WDR41: variants seen among roughly 807,000 people sequenced by gnomAD.
The protein encoded by WDR41 is WD repeat domain 41, also known as WD repeat-containing protein 41.
In WDR41, 63 loss-of-function variants were observed where a neutral mutation model predicts 69.3. The ratio of observed to expected loss-of-function variants is 0.91; its 90% confidence interval spans 0.74 to 1.12. The LOEUF (loss-of-function observed/expected upper bound fraction) is 1.12, where lower values mean the gene tolerates loss of function less well. Ranked by LOEUF, WDR41 falls within the 50% of genes most tolerant of loss-of-function variation. WDR41 has a pLI of 0.00. For synonymous variants in WDR41, 185 were observed against 192.1 expected (o/e 0.96, Z 0.31); for missense variants, 543 against 534.5 (o/e 1.02, Z -0.16).
At chr5:77,544,182 CA>C (rs1489288087) in intron 1 of WDR41, among the ~76,000 whole-genome samples, 1 of 152,012 alleles carries the variant, frequency 6.6e-6, no homozygotes, top group East Asian at 1.9e-4. Context: ...GGAAACACAT[CA>C]AAACAGAACT....
At position 77,463,190 on chromosome 5, in the gene WDR41, G is replaced by A. The variant is rs1160655896; in HGVS notation, c.253C>T (p.Gln85Ter). ...AATGTAATAATAGCTGTTATCTTTT[G>A]AGTGTGTCCATTCAGTTCTAAAAGT... ...EKLLELNGHTQKITAIITFPS... is the reference protein window; with the variant it reads ...EKLLELNGHT The change falls in exon 4 of 13, where the codon CAA becomes TAA. Residue 85 changes from glutamine to a stop codon, truncating the protein, a stop_gained. Coordinates refer to ENST00000296679, the MANE Select transcript of WDR41 (RefSeq NM_018268.4). LOFTEE classifies it high-confidence loss of function. 3 of 1,612,316 alleles carry A rather than the reference G, an allele frequency of 1.9e-6. No homozygotes were observed. The East Asian group carries it at 6.7e-5, about 36-fold the overall frequency.
At chr5:77,614,809 T>A (rs1442741932) in intron 1 of WDR41, among the ~76,000 whole-genome samples, 1 of 147,602 alleles carries the variant, frequency 6.8e-6, no homozygotes. Flanking sequence ...AATAATAAAA[T>A]AAAAAAAAAG....
At chr5:77,500,129 G>T (rs1428255035) in intron 1 of WDR41, among the ~76,000 whole-genome samples, 2 of 152,164 alleles carry the variant, frequency 1.3e-5, no homozygotes, top group Non-Finnish European at 2.9e-5. Flanking sequence ...CAAAACTACA[G>T]ATGTTGGAAT....
chr5:77,464,133 G>A (rs1800185550), intron 3 of WDR41, among the ~76,000 whole-genome samples: 1 of 152,006 alleles, frequency 6.6e-6, no homozygotes, highest in Non-Finnish European at 1.5e-5. Flanking sequence ...AAACTTGTGT[G>A]TCTCACAAAA....
intron 8 of WDR41, among the ~76,000 whole-genome samples, chr5:77,449,516 G>T (rs1799537890): frequency 6.6e-6 from 1 of 152,178 alleles, no homozygotes; most frequent in Non-Finnish European, 1.5e-5. Context: ...CAGTGCCTGA[G>T]ATCATTATGT....
rs1013763602 is a variant in WDR41 at position 77,431,950 on chromosome 5, T to C, written c.*1185A>G. The C allele has an allele frequency of 6.6e-6, 1 of 152,212 alleles. No homozygotes were observed. Among genetic ancestry groups the C allele is most frequent in the Non-Finnish European group, 1.5e-5 (1 of 68,036 alleles). 9.4% of individuals were successfully genotyped at this position (152,212 alleles called of 1,614,324 possible). ...GTGATACTGGGCACTACAGATTTAA[T>C]TGCAAGGCCTTACTGCACTGGGCCT... On this transcript the variant is annotated 3_prime_UTR_variant, in exon 13 of 13. Transcript: ENST00000296679.
At chr5:77,617,849 C>A (rs553409245) in intron 1 of WDR41, among the ~76,000 whole-genome samples, 1 of 152,106 alleles carries the variant, frequency 6.6e-6, no homozygotes, top group Non-Finnish European at 1.5e-5. Flanking sequence ...TAGGAATAGT[C>A]TCATAAAACT....
At chr5:77,437,186 C>T in intron 11 of WDR41, 150 bp downstream of exon 11, 1 of 654,130 alleles carries the variant, frequency 1.5e-6, no homozygotes, top group Non-Finnish European at 2.7e-6. Context: ...AATCCTAGAT[C>T]TCAATTACCA....
At chr5:77,481,721 G>C (rs969407834) in intron 2 of WDR41, among the ~76,000 whole-genome samples, 1 of 149,844 alleles carries the variant, frequency 6.7e-6, no homozygotes, top group African/African-American at 2.4e-5. Context: ...GGAAGCGGTG[G>C]TTGGAGTGAA....
At chr5:77,436,634 C>CA (rs994068948) in intron 11 of WDR41, among the ~76,000 whole-genome samples, 26 of 151,914 alleles carry the variant, frequency 1.7e-4, no homozygotes, top group African/African-American at 5.3e-4. Context: ...GGTATATTAA[C>CA]AAAAAGACAC....
At chr5:77,437,287 T>A in intron 11 of WDR41, 49 bp downstream of exon 11, 1 of 1,496,612 alleles carries the variant, frequency 6.7e-7, no homozygotes. Flanking sequence ...GCCTTTCACG[T>A]GAGAAAAAAG....
At chr5:77,554,256 T>A (rs1162325936) in intron 1 of WDR41, among the ~76,000 whole-genome samples, 3 of 152,168 alleles carry the variant, frequency 2.0e-5, no homozygotes, top group Non-Finnish European at 4.4e-5. Context: ...CGATTAGTGG[T>A]TGCCAGATGG....
At chr5:77,462,670 A>G (rs2151322931) in intron 4 of WDR41, among the ~76,000 whole-genome samples, 1 of 152,312 alleles carries the variant, frequency 6.6e-6, no homozygotes, top group South Asian at 2.1e-4. Flanking sequence ...AGATGCTCCA[A>G]AGATTTTTAT....
intron 1 of WDR41, among the ~76,000 whole-genome samples, chr5:77,490,610 C>A (rs754832730): frequency 2.6e-5 from 4 of 151,672 alleles, no homozygotes; most frequent in Non-Finnish European, 4.4e-5. Context: ...AAACCACCAC[C>A]ACAAAGCATT....
At chr5:77,494,968 A>G (rs1241391725), upstream of WDR41, among the ~76,000 whole-genome samples, 1 of 152,190 alleles carries the variant, frequency 6.6e-6, no homozygotes, top group African/African-American at 2.4e-5. Context: ...TGACCACAAC[A>G]GGAATCAGTG....
At chr5:77,445,248 T>C (rs13169026) in intron 8 of WDR41, among the ~76,000 whole-genome samples, 45,537 of 152,018 alleles carry the variant, frequency 0.3, 7,131 homozygotes, top group Non-Finnish European at 0.34. Context: ...AATCCCTGAA[T>C]AGACCAATAA....
At chr5:77,562,727 C>G (rs1743549649) in intron 1 of WDR41, among the ~76,000 whole-genome samples, 1 of 152,110 alleles carries the variant, frequency 6.6e-6, no homozygotes. Context: ...ATACATGCAG[C>G]AAAACAAAAA....
intron 8 of WDR41, among the ~76,000 whole-genome samples, chr5:77,441,739 A>AACACACACACACAC (rs112452862): frequency 6.7e-6 from 1 of 150,308 alleles, no homozygotes; most frequent in South Asian, 2.1e-4. Context: ...CTCAGTCTAA[A>AACACACACACACAC]ACACACACAC....
At chr5:77,488,442 AAAATT>A (rs1801617804) in intron 2 of WDR41, among the ~76,000 whole-genome samples, 1 of 138,056 alleles carries the variant, frequency 7.2e-6, no homozygotes, top group South Asian at 2.2e-4. Context: ...CTCTATTTTA[AAAATT>A]AAATTAAATT....
Sources: gnomAD v4.1 joint callset for allele counts (sites outside exome capture counted in the v4.1 genomes callset) on GRCh38, gnomAD v4.1.1 for gene constraint, MANE v1.5 for transcripts, NCBI Gene and HGNC (gene_info 2026-07-23, HGNC 2026-07-21) for gene names.